USP5: variants seen among roughly 807,000 people sequenced by gnomAD.
USP5 encodes the protein ubiquitin carboxyl-terminal hydrolase 5.
A neutral mutation model predicts 102.5 loss-of-function variants in USP5; 24 were observed. The observed-to-expected ratio is 0.23, with a 90% CI of 0.17 to 0.33. USP5 has a LOEUF of 0.33. USP5 is among the 10% of genes least tolerant of loss of function. The pLI is 1.00. For synonymous variants in USP5, 460 were observed against 434.8 expected, an observed-to-expected ratio of 1.06 and a Z score of -0.72; for missense variants, 753 against 1,122.1, an observed-to-expected ratio of 0.67 and a Z score of 4.70.
At position 6,856,563 on chromosome 12, in the gene USP5, T is replaced by A; in HGVS notation, c.584+113T>A. On this transcript the variant is annotated intron_variant, in intron 5 of 19. Coordinates refer to ENST00000229268, the MANE Select transcript of USP5 (RefSeq NM_001098536.2). The surrounding 1 kb of genome is among the most constrained non-coding windows in gnomAD (Gnocchi z 5.6). ...TAGGGAGCAGGACAGGAAGGGAAGC[T>A]TGGAAATGAACACGACATGGGGATG... 3 of 1,543,192 alleles carry A rather than the reference T, an allele frequency of 1.9e-6. No homozygotes were observed. Among genetic ancestry groups the A allele is most frequent in the Non-Finnish European group, 2.6e-6 (3 of 1,147,088 alleles).
At position 6,856,241 on chromosome 12, in the gene USP5, A is replaced by G; in HGVS notation, c.439-64A>G. 2 of 1,605,252 alleles carry G rather than the reference A, an allele frequency of 1.2e-6. No individual in the cohort carries two copies. Among genetic ancestry groups the G allele is most frequent in the Non-Finnish European group, 1.7e-6 (2 of 1,174,412 alleles). ...GCAAGCACTGACAAAGCTGAAGGCC[A>G]AGGGGAAGAGGGGCATGTGGGGCAG... On this transcript the variant is annotated intron_variant, in intron 4 of 19. Transcript: ENST00000229268. The surrounding 1 kb of genome is among the most constrained non-coding windows in gnomAD (Gnocchi z 5.6).
At chr12:6,865,913 C>A in intron 19 of USP5, 71 bp from the exon 20 acceptor site, 2 of 1,361,586 alleles carry the variant, frequency 1.5e-6, no homozygotes, top group Non-Finnish European at 2.1e-6. Context: ...GGGGCCATGT[C>A]TGAGAGACTA....
chr12:6,863,925 G>A lies in USP5; in HGVS notation c.2050G>A (p.Gly684Arg), dbSNP rs1555130134. 1.2e-6 allele frequency: 2 copies of A among 1,610,274 alleles called. No individual in the cohort carries two copies. The highest frequency in any genetic ancestry group is 1.7e-6 in the Non-Finnish European group (2 of 1,177,386). The change falls in exon 16 of 20, where the codon GGG becomes AGG. Residue 684 changes from glycine to arginine, a missense_variant. By Grantham distance (125) the Gly-to-Arg change is moderately radical (BLOSUM62 -2). This residue lies in a region of USP5 where 193 missense variants were observed against 230.2 expected (regional missense o/e 0.84). Coordinates refer to ENST00000229268, the MANE Select transcript of USP5 (RefSeq NM_001098536.2). The surrounding 1 kb of genome is among the most constrained non-coding windows in gnomAD (Gnocchi z 4.7). The part of the protein sequence containing the change: ...RKAVYYTGNS[G>R]AEAAMNWVMS... ...AGCTGTCTACTACACGGGCAACAGC[G>A]GGGCTGAGGCCGCCATGAACTGGGT...
Position 6,860,064 on chromosome 12 carries a change from G to C in USP5, c.1131-87G>C, listed in dbSNP as rs1402410852. On this transcript the variant is annotated intron_variant, in intron 9 of 19. Coordinates refer to ENST00000229268, the MANE Select transcript of USP5 (RefSeq NM_001098536.2). This position sits in a 1 kb window ranked among gnomAD's most constrained non-coding sequence, Gnocchi z 5.5. The stretch of plus-strand genomic sequence containing the variant: ...TTTTCACGTTGTTGAGAGTTAGCTA[G>C]GGAGAGCCACGAGCAGGGGGTTGAG... 2 of 1,451,396 alleles carry C rather than the reference G, an allele frequency of 1.4e-6. No individual in the cohort carries two copies. The highest frequency in any genetic ancestry group is 1.9e-6 in the Non-Finnish European group (2 of 1,053,278). The allele number at this position is 1,451,396 out of a possible 1,614,324, so 89.9% of individuals were successfully genotyped here. A position where few individuals can be genotyped will look rare whatever the true frequency, so the allele number is the denominator to read the frequency against.
At chr12:6,862,102 T>G (rs1485771741) in intron 13 of USP5, among the ~76,000 whole-genome samples, 1 of 149,820 alleles carries the variant, frequency 6.7e-6, no homozygotes, top group African/African-American at 2.5e-5. Flanking sequence ...TTTTTCTATG[T>G]GTGGGTCTTG....
chr12:6,861,413 G>C lies in USP5; in HGVS notation c.1499-30G>C, dbSNP rs375025639. The C allele has an allele frequency of 6.5e-7, 1 of 1,539,994 alleles. No homozygotes were observed. Among genetic ancestry groups the C allele is most frequent in the Non-Finnish European group, 8.8e-7 (1 of 1,137,802 alleles). ...AGGAGGCAAAGAAGCAGCACCCTCC[G>C]AAGGATCCACCAACCCATTCTGTCA... On this transcript the variant is annotated intron_variant, in intron 12 of 19. Coordinates refer to ENST00000229268, the MANE Select transcript of USP5 (RefSeq NM_001098536.2). The surrounding 1 kb of genome is among the most constrained non-coding windows in gnomAD (Gnocchi z 4.9).
rs1944351711 is a variant in USP5 at position 6,863,954 on chromosome 12, G to A, written c.2079G>A (p.Met693Ile). The change falls in exon 16 of 20, where the codon ATG (methionine) becomes ATA (isoleucine). Residue 693 changes from methionine to isoleucine, a missense_variant. By Grantham distance (10) the Met-to-Ile change is conservative (BLOSUM62 1). Transcript: ENST00000229268. The surrounding 1 kb of genome is among the most constrained non-coding windows in gnomAD (Gnocchi z 4.7). ...SGAEAAMNWVMSHMDDPDFAN... is the reference protein window; with the variant it reads ...SGAEAAMNWVISHMDDPDFAN... The stretch of plus-strand genomic sequence containing the variant: ...CTGAGGCCGCCATGAACTGGGTCAT[G>A]TCACACATGGATGATCCAGGTAGGC... 6.2e-7 allele frequency: 1 copy of A among 1,601,586 alleles called. No individual in the cohort carries two copies. Among genetic ancestry groups the A allele is most frequent in the East Asian group, 2.2e-5 (1 of 44,610 alleles).
chr12:6,859,907 G>A (rs1565531792), intron 9 of USP5, among the ~76,000 whole-genome samples: 1 of 152,058 alleles, frequency 6.6e-6, no homozygotes, highest in East Asian at 1.9e-4. Flanking sequence ...TGCCCACCTC[G>A]GCCTCCCAAA....
At position 6,857,439 on chromosome 12, in the gene USP5, G is replaced by A. The variant is rs1944150541; in HGVS notation, c.770-190G>A. 3 of 537,788 alleles carry A rather than the reference G, an allele frequency of 5.6e-6. No homozygotes were observed. In the Admixed American group the frequency reaches 1.0e-4, roughly 19 times the overall value. 33.3% of individuals were successfully genotyped at this position (537,788 alleles called of 1,614,324 possible). On this transcript the variant is annotated intron_variant, in intron 6 of 19. Transcript: ENST00000229268. ...TTCCAACCCTCACCCGGTTTCATCT[G>A]TCTTCCCTGACCGTCAGCCCCAGAA...
In USP5 at chr12:6,863,487, T is replaced by G. The variant is rs1944335855; in HGVS notation, c.1954+110T>G. 1 of 1,344,824 alleles carries G rather than the reference T, an allele frequency of 7.4e-7. No homozygotes were observed. The highest frequency in any genetic ancestry group is 1.4e-5 in the South Asian group (1 of 71,840). The allele number at this position is 1,344,824 out of a possible 1,614,324, so 83.3% of individuals were successfully genotyped here. A position where few individuals can be genotyped will look rare whatever the true frequency, so the allele number is the denominator to read the frequency against. On this transcript the variant is annotated intron_variant, in intron 15 of 19. Coordinates refer to ENST00000229268, the MANE Select transcript of USP5 (RefSeq NM_001098536.2). This position sits in a 1 kb window ranked among gnomAD's most constrained non-coding sequence, Gnocchi z 4.7. ...TTTCTCCTGTCCTCCCTTTCAAATT[T>G]CCTCTGCCCTCTTTGATTGACATGG...
intron 9 of USP5, 106 bp downstream of exon 9, chr12:6,859,647 T>A: frequency 9.7e-7 from 1 of 1,026,832 alleles, no homozygotes; most frequent in Non-Finnish European, 1.5e-6. Context: ...CTGGCCTTTT[T>A]TTGTTTTGTT....
Position 6,856,635 on chromosome 12 carries a change from G to C in USP5, c.585-72G>C. On this transcript the variant is annotated intron_variant, in intron 5 of 19. Transcript: ENST00000229268. This position sits in a 1 kb window ranked among gnomAD's most constrained non-coding sequence, Gnocchi z 5.6. ...ACCTTGGATTGGCGGGGGGCCTGCAGAGCCCTCTCTCTCTGCCACTCCCTC... is the reference window on the plus strand; with the variant it reads ...ACCTTGGATTGGCGGGGGGCCTGCACAGCCCTCTCTCTCTGCCACTCCCTC... 7.6e-6 allele frequency: 12 copies of C among 1,569,040 alleles called. No homozygotes were observed. Among genetic ancestry groups the C allele is most frequent in the Non-Finnish European group, 1.0e-5 (12 of 1,159,466 alleles).
chr12:6,853,988 T>C (rs1418385584), intron 1 of USP5, among the ~76,000 whole-genome samples: 1 of 152,248 alleles, frequency 6.6e-6, no homozygotes, highest in East Asian at 1.9e-4. Context: ...ATGTCTGTTG[T>C]TGCTCAAAGC....
Position 6,860,925 on chromosome 12 carries a change from ACCTC to A in USP5, c.1345-24_1345-21del, listed in dbSNP as rs1391811178. On this transcript the variant is annotated intron_variant, in intron 11 of 19. Coordinates refer to ENST00000229268, the MANE Select transcript of USP5 (RefSeq NM_001098536.2). The surrounding 1 kb of genome is among the most constrained non-coding windows in gnomAD (Gnocchi z 5.5). ...CCCATTCTGTTCCCTGGCTGCCCAG[ACCTC>A]CCTACCCTGCCTCTTTCCCATAGAG... is the stretch of plus-strand genomic sequence containing the variant. The A allele has an allele frequency of 1.2e-6, 2 of 1,611,504 alleles. No individual in the cohort carries two copies. Among genetic ancestry groups the A allele is most frequent in the African/African-American group, 2.7e-5 (2 of 74,348 alleles).
At position 6,858,929 on chromosome 12, in the gene USP5, A is replaced by G; in HGVS notation, c.1058+312A>G. On this transcript the variant is annotated intron_variant, in intron 8 of 19. Transcript: ENST00000229268. The surrounding 1 kb of genome is among the most constrained non-coding windows in gnomAD (Gnocchi z 4.2). ...TGAGGGGAGCAAGTTAGGGAGCTGC[A>G]CCACCAGCACCCCAACACACAAACC... 3.8e-6 allele frequency: 1 copy of G among 262,890 alleles called. No individual in the cohort carries two copies. Among genetic ancestry groups the G allele is most frequent in the East Asian group, 7.3e-5 (1 of 13,698 alleles). 16.3% of individuals were successfully genotyped at this position (262,890 alleles called of 1,614,324 possible). A position where few individuals can be genotyped will look rare whatever the true frequency, so the allele number is the denominator to read the frequency against.
intron 1 of USP5, among the ~76,000 whole-genome samples, chr12:6,854,857 C>T (rs983094417): frequency 2.6e-5 from 4 of 151,930 alleles, no homozygotes; most frequent in African/African-American, 7.3e-5. Context: ...CTCCTCTGGT[C>T]TGGAAGGTTT....
rs1555129997 is a variant in USP5, at chr12:6,863,394, C to T, written c.1954+17C>T. The T allele has an allele frequency of 1.2e-6, 2 of 1,609,442 alleles. No individual in the cohort carries two copies. Among genetic ancestry groups the T allele is most frequent in the South Asian group, 2.2e-5 (2 of 90,486 alleles). ...CTCCGACATGTTAGTGACTCTTCTTCCTGCCTGTCTCTCTCCCGTGCTGAT... is the reference window on the plus strand; with the variant it reads ...CTCCGACATGTTAGTGACTCTTCTTTCTGCCTGTCTCTCTCCCGTGCTGAT... On this transcript the variant is annotated intron_variant, in intron 15 of 19. Transcript: ENST00000229268. The surrounding 1 kb of genome is among the most constrained non-coding windows in gnomAD (Gnocchi z 4.7).
rs1944438438 is a variant in USP5 at position 6,866,126 on chromosome 12, A to T, written c.*49A>T. 4 of 1,548,128 alleles carry T rather than the reference A, an allele frequency of 2.6e-6. No individual in the cohort carries two copies. The highest frequency in any genetic ancestry group is 2.2e-5 in the South Asian group (2 of 89,738). ...TGAGGGCAGGGGAAGACCACCTGGC[A>T]TGAGGGAGAGGGGCTGAGGGATGGA... On this transcript the variant is annotated 3_prime_UTR_variant, in exon 20 of 20. Transcript: ENST00000229268. The surrounding 1 kb of genome is among the most constrained non-coding windows in gnomAD (Gnocchi z 4.7).
At position 6,855,616 on chromosome 12, in the gene USP5, T is replaced by G. The variant is rs1336019053; in HGVS notation, c.237+90T>G. ...TCAGTTTCTTTTTTTCACCTACTTT[T>G]GTGTCATTAAAGCTTGGCACAGATG... is the stretch of plus-strand genomic sequence containing the variant. On this transcript the variant is annotated intron_variant, in intron 2 of 19. Transcript: ENST00000229268. The surrounding 1 kb of genome is among the most constrained non-coding windows in gnomAD (Gnocchi z 4.6). The G allele has an allele frequency of 2.5e-6, 4 of 1,590,166 alleles. No homozygotes were observed. Among genetic ancestry groups the G allele is most frequent in the South Asian group, 2.3e-5 (2 of 87,684 alleles).
Sources: gnomAD v4.1 joint callset for allele counts (sites outside exome capture counted in the v4.1 genomes callset) on GRCh38, gnomAD v4.1.1 for gene constraint, gnomAD v4.1.1 regional missense constraint, Gnocchi (gnomAD v3.1) non-coding constraint, MANE v1.5 for transcripts, NCBI Gene and HGNC (gene_info 2026-07-23, HGNC 2026-07-21) for gene names.